Variants in AFF3 observed in about 807,000 individuals in gnomAD.
AFF3 encodes AF4/FMR2 family member 3.
Under a neutral mutation model 129.7 loss-of-function variants are expected in AFF3, and 32 were observed. That is an observed-to-expected ratio of 0.25 (90% CI 0.19 to 0.33). The LOEUF is 0.33. Ranked by LOEUF, AFF3 falls within the 10% of genes least tolerant of loss-of-function variation. The pLI is 1.00. For missense variants in AFF3, 1,373 were observed against 1,592.0 expected (o/e 0.86, Z 2.34); for synonymous variants, 644 against 635.4 (o/e 1.01, Z -0.20).
intron 7 of AFF3, among the ~76,000 whole-genome samples, chr2:99,843,360 A>C (rs534241035): frequency 6.6e-6 from 1 of 152,340 alleles, no homozygotes; most frequent in Non-Finnish European, 1.5e-5. Context: ...CCAAGCTAGA[A>C]GCCCAGCTGC....
rs901145207 is a variant in AFF3 at position 100,030,074 on chromosome 2, A to C, written c.54-21142T>G. Reference sequence around the variant, plus strand: ...AGAGCAAGACTGTCTCAAAATAATAATAATAATAATAATAATAATAATAAT... The same window carrying C: ...AGAGCAAGACTGTCTCAAAATAATACTAATAATAATAATAATAATAATAAT... On this transcript the variant is annotated intron_variant, in intron 4 of 24. Transcript: ENST00000672756. Among the ~76,000 whole-genome samples, 253 of 149,618 alleles carry C rather than the reference A, an allele frequency of 1.7e-3. 1 individual carries two copies. Among genetic ancestry groups the C allele is most frequent in the African/African-American group, 6.0e-3 (241 of 40,178 alleles).
intron 11 of AFF3, among the ~76,000 whole-genome samples, chr2:99,687,181 G>C (rs916104461): frequency 6.6e-6 from 1 of 152,240 alleles, no homozygotes; most frequent in Admixed American, 6.5e-5. Flanking sequence ...TTCCTATGTG[G>C]CCAAGAGATG....
chr2:99,775,153 C>G (rs1427551653), intron 8 of AFF3, among the ~76,000 whole-genome samples: 1 of 152,142 alleles, frequency 6.6e-6, no homozygotes, highest in Non-Finnish European at 1.5e-5. Flanking sequence ...AGTGTAAATT[C>G]AACCATCGTG....
intron 7 of AFF3, among the ~76,000 whole-genome samples, chr2:99,921,786 G>A (rs1173277244): frequency 3.3e-5 from 5 of 151,774 alleles, no homozygotes; most frequent in African/African-American, 4.8e-5. Flanking sequence ...GCCACGAAAT[G>A]AGAGAAAATA....
chr2:99,809,729 C>T (rs1686643734), intron 8 of AFF3, among the ~76,000 whole-genome samples: 1 of 152,228 alleles, frequency 6.6e-6, no homozygotes, highest in South Asian at 2.1e-4. Context: ...AAACCACTTT[C>T]CTGATGAGTC....
chr2:100,103,521 G>A (rs577804377), intron 4 of AFF3, among the ~76,000 whole-genome samples: 3 of 145,634 alleles, frequency 2.1e-5, no homozygotes, highest in Non-Finnish European at 4.6e-5. Flanking sequence ...TGGGGGGTTG[G>A]GGGGAGCAGA....
At chr2:99,620,153 C>T (rs930961042) in intron 13 of AFF3, among the ~76,000 whole-genome samples, 12 of 152,122 alleles carry the variant, frequency 7.9e-5, no homozygotes, top group African/African-American at 2.9e-4. Context: ...TGGGTCATCC[C>T]AACTGAGACT....
In AFF3 at chr2:100,105,653, G is replaced by T. The variant is rs183354513; in HGVS notation, c.-144-70C>A. Reference sequence around the variant, plus strand: ...AATAATCTCCCTCATTGTAAAGACAGCTCTTCCCCCTGGCTTACTTTTTTA... The same window carrying T: ...AATAATCTCCCTCATTGTAAAGACATCTCTTCCCCCTGGCTTACTTTTTTA... On this transcript the variant is annotated intron_variant, in intron 2 of 24. Coordinates refer to ENST00000672756, the MANE Select transcript of AFF3 (RefSeq NM_001386135.1). The T allele has an allele frequency of 9.7e-6, 13 of 1,344,120 alleles. No homozygotes were observed. The South Asian group carries it at 1.4e-4, about 14-fold the overall frequency. 83.3% of individuals were successfully genotyped at this position (1,344,120 alleles called of 1,614,324 possible).
intron 7 of AFF3, among the ~76,000 whole-genome samples, chr2:99,985,801 C>G (rs1679804358): frequency 6.6e-6 from 1 of 152,106 alleles, no homozygotes; most frequent in Non-Finnish European, 1.5e-5. Context: ...CATTTCTTCA[C>G]CTGAGTGATG....
At chr2:99,678,068 G>A (rs149977940) in intron 11 of AFF3, among the ~76,000 whole-genome samples, 2 of 152,324 alleles carry the variant, frequency 1.3e-5, no homozygotes, top group African/African-American at 4.8e-5. Context: ...CTGTCTCCCA[G>A]GGGTGGTTCC....
At chr2:100,011,665 C>T (rs1382493831) in intron 4 of AFF3, 11 of 751,758 alleles carry the variant, frequency 1.5e-5, no homozygotes, top group Admixed American at 8.7e-5. Context: ...AGCATATTTT[C>T]CAGAAGCCGA....
chr2:99,582,328 C>T (rs987629215), intron 17 of AFF3, among the ~76,000 whole-genome samples: 8 of 152,110 alleles, frequency 5.3e-5, no homozygotes, highest in Admixed American at 3.9e-4. Flanking sequence ...TGGAATCACC[C>T]GAGATCACTG....
chr2:99,701,793 C>A (rs1330350456), intron 11 of AFF3, among the ~76,000 whole-genome samples: 2 of 152,258 alleles, frequency 1.3e-5, no homozygotes, highest in African/African-American at 4.8e-5. Context: ...CCACAAACGT[C>A]TTTCATGCCA....
At chr2:99,999,790 C>A (rs2104668696) in intron 7 of AFF3, among the ~76,000 whole-genome samples, 1 of 152,310 alleles carries the variant, frequency 6.6e-6, no homozygotes, top group East Asian at 1.9e-4. Flanking sequence ...ACTGAGGCAC[C>A]AGGCCATCTG....
intron 8 of AFF3, among the ~76,000 whole-genome samples, chr2:99,768,741 T>C (rs1252619087): frequency 3.9e-5 from 6 of 152,202 alleles, no homozygotes; most frequent in Non-Finnish European, 4.4e-5. Context: ...CTTCTTCCTG[T>C]TTGAAGGATA....
intron 7 of AFF3, among the ~76,000 whole-genome samples, chr2:99,930,496 G>C (rs751951421): frequency 6.6e-6 from 1 of 152,122 alleles, no homozygotes; most frequent in Non-Finnish European, 1.5e-5. Context: ...TATAGTAGGC[G>C]AGACAGGCTT....
intron 11 of AFF3, among the ~76,000 whole-genome samples, chr2:99,680,711 A>G (rs1371860597): frequency 2.0e-5 from 3 of 152,250 alleles, no homozygotes; most frequent in Non-Finnish European, 2.9e-5. Flanking sequence ...GGGTCATAAC[A>G]TACATCAGGT....
chr2:99,647,683 A>G (rs6745568), intron 13 of AFF3, among the ~76,000 whole-genome samples: 129,017 of 152,212 alleles, frequency 0.85, 54,755 homozygotes, highest in East Asian at 0.93. Flanking sequence ...AAAAGAAAAC[A>G]CACAGAGAAG....
At chr2:99,842,970 C>G (rs1048950199) in intron 7 of AFF3, among the ~76,000 whole-genome samples, 1 of 152,214 alleles carries the variant, frequency 6.6e-6, no homozygotes, top group African/African-American at 2.4e-5. Context: ...CTACTACTTT[C>G]AAATCACAAT....
Sources: gnomAD v4.1 joint callset for allele counts (sites outside exome capture counted in the v4.1 genomes callset) on GRCh38, gnomAD v4.1.1 for gene constraint, MANE v1.5 for transcripts, NCBI Gene and HGNC (gene_info 2026-07-23, HGNC 2026-07-21) for gene names.